SEMA5A: variants seen among roughly 807,000 people sequenced by gnomAD.
SEMA5A encodes semaphorin 5A, also known as semaphorin-5A.
SEMA5A carries 55 observed loss-of-function variants against 135.5 expected under a neutral mutation model. That is an observed-to-expected ratio of 0.41 (90% CI 0.33 to 0.51). The LOEUF is 0.51. Ranked by LOEUF, SEMA5A falls within the 20% of genes least tolerant of loss-of-function variation. The pLI is 0.37. For missense variants in SEMA5A, 1,290 were observed against 1,419.9 expected (o/e 0.91, Z 1.47); for synonymous variants, 580 against 546.5 (o/e 1.06, Z -0.85).
intron 4 of SEMA5A, among the ~76,000 whole-genome samples, chr5:9,329,463 C>T (rs1463834479): frequency 1.3e-5 from 2 of 152,200 alleles, no homozygotes; most frequent in Non-Finnish European, 2.9e-5. Flanking sequence ...CTAGAAAGTC[C>T]TCATCAGGTA....
intron 11 of SEMA5A, among the ~76,000 whole-genome samples, chr5:9,164,734 A>G (rs1252295016): frequency 6.6e-6 from 1 of 152,194 alleles, no homozygotes; most frequent in African/African-American, 2.4e-5. Context: ...TTCAGAGAGA[A>G]CTAAATGAGC....
Position 9,036,824 on chromosome 5 carries a change from TA to T in SEMA5A, c.*6072del, listed in dbSNP as rs1339321999. On this transcript the variant is annotated 3_prime_UTR_variant, in exon 23 of 23. Coordinates refer to ENST00000382496, the MANE Select transcript of SEMA5A (RefSeq NM_003966.3). ...CACATGAAATGATAAATGATCATCT[TA>T]AACAAGGCACTAGCAACTTTTTCTA... is the stretch of plus-strand genomic sequence containing the variant. The T allele has an allele frequency of 2.6e-5, 4 of 152,658 alleles. No homozygotes were observed. Among genetic ancestry groups the T allele is most frequent in the Admixed American group, 2.6e-4 (4 of 15,274 alleles). 9.5% of individuals were successfully genotyped at this position (152,658 alleles called of 1,614,324 possible).
At chr5:9,048,733 AC>A (rs1308816998) in intron 21 of SEMA5A, among the ~76,000 whole-genome samples, 1 of 152,198 alleles carries the variant, frequency 6.6e-6, no homozygotes, top group Non-Finnish European at 1.5e-5. Context: ...CCTTGTGAGG[AC>A]CAAATGGGCT....
chr5:9,102,782 A>G (rs1275475463), intron 16 of SEMA5A, among the ~76,000 whole-genome samples: 1 of 152,252 alleles, frequency 6.6e-6, no homozygotes, highest in Admixed American at 6.5e-5. Context: ...ACATGGATTC[A>G]GAACTCTAAT....
intron 6 of SEMA5A, among the ~76,000 whole-genome samples, chr5:9,227,607 G>A (rs571877832): frequency 3.4e-5 from 5 of 147,264 alleles, no homozygotes; most frequent in Admixed American, 6.9e-5. Context: ...CTGGAGTGCC[G>A]TGGTGCAAAT....
chr5:9,171,488 GAA>G (rs1176326746), intron 11 of SEMA5A, among the ~76,000 whole-genome samples: 6 of 152,162 alleles, frequency 3.9e-5, no homozygotes, highest in Non-Finnish European at 5.9e-5. Flanking sequence ...ACGACAAGCT[GAA>G]AGATTCAGTC....
chr5:9,446,403 T>C (rs1440002131), intron 1 of SEMA5A, among the ~76,000 whole-genome samples: 1 of 152,144 alleles, frequency 6.6e-6, no homozygotes, highest in Non-Finnish European at 1.5e-5. Context: ...ATGAGCAATT[T>C]CTGTTATGCG....
intron 1 of SEMA5A, among the ~76,000 whole-genome samples, chr5:9,532,928 T>C (rs1462280207): frequency 1.3e-5 from 2 of 152,212 alleles, no homozygotes; most frequent in Non-Finnish European, 2.9e-5. Context: ...CAAAAGACTG[T>C]CATCTTCTAA....
chr5:9,236,077 C>T (rs749819629), intron 6 of SEMA5A, among the ~76,000 whole-genome samples: 24 of 152,182 alleles, frequency 1.6e-4, no homozygotes, highest in Non-Finnish European at 2.5e-4. Context: ...GAGAATAGCA[C>T]AGGGAAGCCC....
intron 14 of SEMA5A, 55 bp downstream of exon 14, chr5:9,122,601 C>G: frequency 2.8e-6 from 4 of 1,420,648 alleles, no homozygotes; most frequent in Non-Finnish European, 2.8e-6. Context: ...CCAAACTCCT[C>G]GAGAATCTGA....
intron 16 of SEMA5A, among the ~76,000 whole-genome samples, chr5:9,095,926 T>C (rs1343862367): frequency 6.6e-6 from 1 of 152,212 alleles, no homozygotes; most frequent in Non-Finnish European, 1.5e-5. Context: ...CATTGAACAT[T>C]GGTATTAAGA....
chr5:9,096,355 C>A (rs750946022), intron 16 of SEMA5A, among the ~76,000 whole-genome samples: 4 of 152,186 alleles, frequency 2.6e-5, no homozygotes, highest in Non-Finnish European at 4.4e-5. Flanking sequence ...CCTGCACTCT[C>A]CTGCCAACCT....
At chr5:9,077,205 C>G (rs1249518269) in intron 16 of SEMA5A, among the ~76,000 whole-genome samples, 1 of 152,122 alleles carries the variant, frequency 6.6e-6, no homozygotes, top group African/African-American at 2.4e-5. Flanking sequence ...TCTCCTAACA[C>G]CAAAATGCCT....
intron 10 of SEMA5A, among the ~76,000 whole-genome samples, chr5:9,194,983 G>A (rs1332579440): frequency 6.6e-6 from 1 of 152,220 alleles, no homozygotes; most frequent in Non-Finnish European, 1.5e-5. Context: ...GCTGTTCACA[G>A]TAAGGCCTTC....
intron 8 of SEMA5A, among the ~76,000 whole-genome samples, chr5:9,205,145 G>T (rs1187725010): frequency 6.6e-6 from 1 of 152,112 alleles, no homozygotes; most frequent in African/African-American, 2.4e-5. Flanking sequence ...AACAGGATTT[G>T]ATTTTCTGCT....
chr5:9,043,617 G>A (rs572297671), intron 22 of SEMA5A, among the ~76,000 whole-genome samples: 1 of 152,050 alleles, frequency 6.6e-6, no homozygotes, highest in East Asian at 1.9e-4. Flanking sequence ...TATATTGAGA[G>A]GATTAAAATG....
At chr5:9,258,075 G>A (rs756491149) in intron 5 of SEMA5A, among the ~76,000 whole-genome samples, 21 of 152,112 alleles carry the variant, frequency 1.4e-4, no homozygotes, top group Non-Finnish European at 4.4e-5. Flanking sequence ...CTGAAAAGTC[G>A]CTGAGAAGAA....
intron 11 of SEMA5A, among the ~76,000 whole-genome samples, chr5:9,160,067 G>A (rs1379129865): frequency 1.3e-5 from 2 of 152,106 alleles, no homozygotes; most frequent in Non-Finnish European, 2.9e-5. Context: ...AGGGGAGTAA[G>A]GGGAAAGAAC....
intron 18 of SEMA5A, among the ~76,000 whole-genome samples, chr5:9,056,479 T>C (rs1350974983): frequency 6.6e-6 from 1 of 152,176 alleles, no homozygotes; most frequent in East Asian, 1.9e-4. Flanking sequence ...CCCAACATTT[T>C]GGGAAGCCAA....
Sources: allele counts gnomAD v4.1 joint callset (sites outside exome capture counted in the v4.1 genomes callset), GRCh38; gene constraint gnomAD v4.1.1; transcripts MANE v1.5; gene names NCBI Gene and HGNC (gene_info 2026-07-23, HGNC 2026-07-21).